Variants in MIER1 observed in about 807,000 individuals in gnomAD.
MIER1 encodes mesoderm induction early response protein 1.
In MIER1, 40 loss-of-function variants were observed where a neutral mutation model predicts 75.7. The observed-to-expected ratio is 0.53, with a 90% CI of 0.41 to 0.69. MIER1 has a LOEUF of 0.69. Ranked by LOEUF, MIER1 falls within the 30% of genes least tolerant of loss-of-function variation. The pLI, the probability that MIER1 is intolerant of heterozygous loss-of-function variation, is 0.00. For synonymous variants in MIER1, 213 were observed against 223.4 expected (o/e 0.95, Z 0.42); for missense variants, 574 against 680.2 (o/e 0.84, Z 1.74).
intron 3 of MIER1, 140 bp from the exon 4 acceptor site, chr1:66,946,010 G>A (rs1558043801): frequency 3.3e-6 from 2 of 601,146 alleles, no homozygotes; most frequent in Non-Finnish European, 5.4e-6. Context: ...CTATTAAAAA[G>A]CAATACATAA....
chr1:66,973,538 T>C (rs1208901741), intron 11 of MIER1, among the ~76,000 whole-genome samples: 1 of 152,130 alleles, frequency 6.6e-6, no homozygotes, highest in Non-Finnish European at 1.5e-5. Flanking sequence ...AACATAATCA[T>C]TTATCATTTC....
Position 66,987,566 on chromosome 1 carries a change from TTAAATTTATGCATAGTAA to T in MIER1, c.*2668_*2685del, listed in dbSNP as rs1666936144. 6.6e-6 allele frequency: 1 copy of T among 152,658 alleles called. No individual in the cohort carries two copies. 9.5% of individuals were successfully genotyped at this position (152,658 alleles called of 1,614,324 possible). Reference sequence around the variant, plus strand: ...GGCATTTAAAATTTCAAATTAGATGTTAAATTTATGCATAGTAATTTTGCACTGTAAAATAATTCCCTT... The same window carrying T: ...GGCATTTAAAATTTCAAATTAGATGTTTTTGCACTGTAAAATAATTCCCTT... On this transcript the variant is annotated 3_prime_UTR_variant, in exon 14 of 14. Coordinates refer to ENST00000401041, the MANE Select transcript of MIER1 (RefSeq NM_001077700.3).
At chr1:66,944,652 T>C (rs1342262146) in intron 3 of MIER1, among the ~76,000 whole-genome samples, 8 of 152,068 alleles carry the variant, frequency 5.3e-5, no homozygotes, top group African/African-American at 1.9e-4. Context: ...GCTCTTCTAC[T>C]CAGTCTTTGG....
chr1:66,932,928 G>A (rs964117807), intron 2 of MIER1: 2 of 152,002 alleles, frequency 1.3e-5, no homozygotes, highest in African/African-American at 4.8e-5. Context: ...TGAATAGAAA[G>A]TGCTTTAGAT....
chr1:66,943,393 T>G (rs1656707437), intron 3 of MIER1, among the ~76,000 whole-genome samples: 1 of 152,216 alleles, frequency 6.6e-6, no homozygotes, highest in South Asian at 2.1e-4. Context: ...TGTTTTTATT[T>G]AAATTATTCT....
At chr1:66,946,894 T>G in intron 4 of MIER1, 1 of 985,252 alleles carries the variant, frequency 1.0e-6, no homozygotes, top group Non-Finnish European at 1.2e-6. Flanking sequence ...CTGGTTTTCT[T>G]TATCTTTTTG....
chr1:66,931,610 C>T (rs779520259), intron 2 of MIER1, among the ~76,000 whole-genome samples: 1 of 151,918 alleles, frequency 6.6e-6, no homozygotes, highest in Non-Finnish European at 1.5e-5. Flanking sequence ...TAATTTACAA[C>T]TAAATTTAGA....
At chr1:66,963,017 G>T in intron 7 of MIER1, 71 bp from the exon 8 acceptor site, 1 of 1,053,590 alleles carries the variant, frequency 9.5e-7, no homozygotes, top group South Asian at 1.4e-5. Flanking sequence ...TTACTAAGAT[G>T]GTAAGGCTAG....
chr1:66,947,005 T>C (rs1657807255), intron 4 of MIER1: 1 of 985,314 alleles, frequency 1.0e-6, no homozygotes, highest in Non-Finnish European at 1.2e-6. Context: ...TTCTCTCCTG[T>C]CTCTGTCTGG....
intron 10 of MIER1, 57 bp from the exon 11 acceptor site, chr1:66,972,840 T>C: frequency 1.2e-6 from 1 of 869,510 alleles, no homozygotes; most frequent in Non-Finnish European, 1.9e-6. Flanking sequence ...TGTAATTTTG[T>C]TATATGCAAT....
intron 11 of MIER1, 60 bp downstream of exon 11, chr1:66,973,051 A>G: frequency 1.2e-6 from 1 of 865,278 alleles, no homozygotes; most frequent in Non-Finnish European, 1.9e-6. Flanking sequence ...TCAAATGGTC[A>G]TGTATCGTAA....
At chr1:66,964,220 C>T (rs1312703428) in intron 8 of MIER1, among the ~76,000 whole-genome samples, 2 of 150,264 alleles carry the variant, frequency 1.3e-5, no homozygotes, top group Non-Finnish European at 3.0e-5. Flanking sequence ...TACAGGTGCC[C>T]ACCACCACGC....
intron 2 of MIER1, 24 bp from the exon 3 acceptor site, chr1:66,940,004 T>G (rs2101255214): frequency 6.3e-7 from 1 of 1,587,378 alleles, no homozygotes; most frequent in Admixed American, 1.7e-5. Context: ...AATACTAATT[T>G]TTCCTCTTTT....
At chr1:66,925,133 T>G in intron 1 of MIER1, 38 bp downstream of exon 1, 4 of 1,540,668 alleles carry the variant, frequency 2.6e-6, no homozygotes, top group Non-Finnish European at 3.5e-6. Context: ...TCCCCTTCTA[T>G]TCCAGTTTGG....
chr1:66,948,531 G>A (rs1304286901), intron 4 of MIER1, among the ~76,000 whole-genome samples: 1 of 152,194 alleles, frequency 6.6e-6, no homozygotes, highest in Non-Finnish European at 1.5e-5. Flanking sequence ...AATCCACAAT[G>A]TCTGAATAAT....
chr1:66,978,160 C>T (rs1028683823), intron 12 of MIER1, among the ~76,000 whole-genome samples: 2 of 150,384 alleles, frequency 1.3e-5, no homozygotes, highest in African/African-American at 2.5e-5. Flanking sequence ...CAAACCACTG[C>T]ACTCCAGCCT....
intron 6 of MIER1, 45 bp from the exon 7 acceptor site, chr1:66,959,634 A>G: frequency 1.1e-6 from 1 of 914,040 alleles, no homozygotes; most frequent in Non-Finnish European, 1.6e-6. Flanking sequence ...AGATTTAGAC[A>G]GGATAAGCAG....
At chr1:66,937,491 A>G (rs1269963673) in intron 2 of MIER1, among the ~76,000 whole-genome samples, 1 of 152,118 alleles carries the variant, frequency 6.6e-6, no homozygotes, top group Non-Finnish European at 1.5e-5. Flanking sequence ...AGGCTGAGGC[A>G]GGAGAATCGA....
rs1269634838 is a variant in MIER1 at position 66,986,702 on chromosome 1, A to C, written c.*1802A>C. 5.2e-6 allele frequency: 2 copies of C among 388,118 alleles called. No individual in the cohort carries two copies. Among genetic ancestry groups the C allele is most frequent in the Non-Finnish European group, 9.2e-6 (2 of 217,998 alleles). 24.0% of individuals were successfully genotyped at this position (388,118 alleles called of 1,614,324 possible). On this transcript the variant is annotated 3_prime_UTR_variant, in exon 14 of 14. Transcript: ENST00000401041. ...GTACATTCACTGTTGTTACATACAT[A>C]TCTAAGTAAATCAAAGTTTTGGGTG...
Sources: gnomAD v4.1 joint callset for allele counts (sites outside exome capture counted in the v4.1 genomes callset) on GRCh38, gnomAD v4.1.1 for gene constraint, MANE v1.5 for transcripts, NCBI Gene and HGNC (gene_info 2026-07-23, HGNC 2026-07-21) for gene names.